The following SNRPN variants were observed in gnomAD, a reference collection of about 807,000 sequenced individuals.
SNRPN encodes small nuclear ribonucleoprotein polypeptide N, also known as small nuclear ribonucleoprotein-associated protein N.
A neutral mutation model predicts 25.2 loss-of-function variants in SNRPN; 7 were observed. The ratio of observed to expected loss-of-function variants is 0.28; its 90% CI spans 0.16 to 0.52. The LOEUF (loss-of-function observed/expected upper bound fraction) is 0.52, where lower values mean the gene tolerates loss of function less well. SNRPN is among the 20% of genes least tolerant of loss of function. The probability of loss-of-function intolerance (pLI) is 0.96; values close to 1 mark genes in which losing one functional copy is unlikely to be tolerated. For missense variants in SNRPN, 196 were observed against 322.5 expected (o/e 0.61, Z 3.00); for synonymous variants, 124 against 110.6 (o/e 1.12, Z -0.76).
intron 2 of SNRPN, among the ~76,000 whole-genome samples, chr15:24,913,370 T>C (rs1311927133): frequency 6.6e-6 from 1 of 152,108 alleles, no homozygotes; most frequent in African/African-American, 2.4e-5. Flanking sequence ...GGGCTGGGCA[T>C]AGTGGCTCAC....
rs192236695 is a variant in SNRPN at position 24,838,191 on chromosome 15, C to G, written c.-579+8286C>G. Among the ~76,000 whole-genome samples the G allele has an allele frequency of 8.1e-4, 123 of 151,840 alleles. 3 individuals carry two copies. Among genetic ancestry groups the G allele is most frequent in the African/African-American group, 2.6e-3 (108 of 41,296 alleles). ...CTGGGACTACAGGCACCTGCCACCA[C>G]GCCCAGGTAAAATTTTTGTATTTTT... is the stretch of plus-strand genomic sequence containing the variant. On this transcript the variant is annotated intron_variant, in intron 2 of 12. Coordinates refer to the SNRPN transcript ENST00000400100.
intron 3 of SNRPN, among the ~76,000 whole-genome samples, chr15:24,969,531 A>G (rs551275018): frequency 6.6e-6 from 1 of 152,322 alleles, no homozygotes; most frequent in African/African-American, 2.4e-5. Context: ...AGCAAATTGG[A>G]ATCTAATCAT....
chr15:24,872,097 C>G lies in SNRPN; in HGVS notation c.-578-14419C>G, dbSNP rs2055195861. On this transcript the variant is annotated intron_variant, in intron 1 of 11. Coordinates refer to the SNRPN transcript ENST00000400097. ...AAATAGATGAATTTATCTATTTTTGCTTCTGTTACTTGTGTTTTTTGTGTT... is the reference window on the plus strand; with the variant it reads ...AAATAGATGAATTTATCTATTTTTGGTTCTGTTACTTGTGTTTTTTGTGTT... Among the ~76,000 whole-genome samples, 2 of 118,142 alleles carry G rather than the reference C, an allele frequency of 1.7e-5. 1 individual carries two copies. Among genetic ancestry groups the G allele is most frequent in the Admixed American group, 1.8e-4 (2 of 10,876 alleles). The allele number at this position is 118,142 out of a possible 152,430, so 77.5% of individuals were successfully genotyped here. A position where few individuals can be genotyped will look rare whatever the true frequency, so the allele number is the denominator to read the frequency against.
chr15:24,924,294 G>C (rs748964717), intron 3 of SNRPN, among the ~76,000 whole-genome samples: 2 of 151,934 alleles, frequency 1.3e-5, no homozygotes, highest in South Asian at 2.1e-4. Flanking sequence ...GGTAACTTAG[G>C]GGAGAGTAAA....
intron 1 of SNRPN, among the ~76,000 whole-genome samples, chr15:24,858,676 C>T (rs2053673573): frequency 4.6e-5 from 7 of 151,636 alleles, no homozygotes. Context: ...TGATATGCAC[C>T]TGTAATCCCA....
chr15:24,934,058 G>A (rs977569985), intron 3 of SNRPN, among the ~76,000 whole-genome samples: 2 of 152,102 alleles, frequency 1.3e-5, no homozygotes, highest in Non-Finnish European at 2.9e-5. Flanking sequence ...ATCACTTTGG[G>A]AGGCCGAGGC....
intron 2 of SNRPN, among the ~76,000 whole-genome samples, chr15:24,897,037 T>C (rs1243628040): frequency 6.6e-6 from 1 of 151,846 alleles, no homozygotes; most frequent in East Asian, 2.0e-4. Context: ...CCTGTAGTCC[T>C]AGCTGCTCAG....
At chr15:24,845,058 A>G (rs1409903558) in intron 2 of SNRPN, among the ~76,000 whole-genome samples, 1 of 152,196 alleles carries the variant, frequency 6.6e-6, no homozygotes, top group Non-Finnish European at 1.5e-5. Context: ...AGCTTTTGCT[A>G]CAAATACTCT....
chr15:24,906,441 C>A (rs2058814136), intron 2 of SNRPN, among the ~76,000 whole-genome samples: 1 of 152,068 alleles, frequency 6.6e-6, no homozygotes, highest in South Asian at 2.1e-4. Flanking sequence ...CTGGAAAAAT[C>A]TATTTTTACA....
chr15:24,918,430 C>T (rs1265966754), intron 2 of SNRPN, among the ~76,000 whole-genome samples: 1 of 83,250 alleles, frequency 1.2e-5, no homozygotes, highest in Non-Finnish European at 2.4e-5. Flanking sequence ...GTATATATAA[C>T]ATAATATATA....
At chr15:24,942,651 CATCTGTTCTA>C (rs2061624669) in intron 3 of SNRPN, among the ~76,000 whole-genome samples, 1 of 152,224 alleles carries the variant, frequency 6.6e-6, no homozygotes, top group Admixed American at 6.5e-5. Flanking sequence ...CCAGAGTAAG[CATCTGTTCTA>C]GTCAGGACAA....
chr15:24,886,026 G>T (rs550026727), intron 1 of SNRPN, among the ~76,000 whole-genome samples: 1 of 152,198 alleles, frequency 6.6e-6, no homozygotes, highest in South Asian at 2.1e-4. Flanking sequence ...TTTGGAGGAT[G>T]TGTAAAAAAT....
At chr15:24,958,386 CTT>C (rs75210247) in intron 1 of SNRPN, among the ~76,000 whole-genome samples, 14 of 124,178 alleles carry the variant, frequency 1.1e-4, no homozygotes, top group Admixed American at 1.7e-4. Flanking sequence ...GTCCTGTCTC[CTT>C]TTTTTTTTTT....
At chr15:24,938,114 G>T (rs577926259) in intron 3 of SNRPN, among the ~76,000 whole-genome samples, 6 of 140,016 alleles carry the variant, frequency 4.3e-5, no homozygotes, top group East Asian at 2.1e-4. Context: ...CTTCTAATTC[G>T]TTTTTTTTTT....
At chr15:24,904,562 G>A (rs894795717) in intron 2 of SNRPN, among the ~76,000 whole-genome samples, 1 of 152,096 alleles carries the variant, frequency 6.6e-6, no homozygotes, top group African/African-American at 2.4e-5. Context: ...GGCTGAAGCA[G>A]GAGAATCGCA....
chr15:24,845,790 A>C (rs980118037), intron 2 of SNRPN, among the ~76,000 whole-genome samples: 1 of 152,256 alleles, frequency 6.6e-6, no homozygotes, highest in Admixed American at 6.5e-5. Context: ...TAAATATGTA[A>C]GAATTGACCC....
At chr15:24,909,331 C>T in intron 2 of SNRPN, 1 of 1,603,306 alleles carries the variant, frequency 6.2e-7, no homozygotes, top group Non-Finnish European at 8.5e-7. Flanking sequence ...CCACAGCTCC[C>T]TTCAGGGCAC....
intron 4 of SNRPN, 89 bp downstream of exon 4, chr15:24,974,545 G>C: frequency 2.5e-6 from 3 of 1,220,404 alleles, no homozygotes; most frequent in Non-Finnish European, 3.7e-6. Flanking sequence ...CTTGGGTTCT[G>C]AATGTTAGAA....
intron 2 of SNRPN, among the ~76,000 whole-genome samples, chr15:24,912,926 T>A (rs2059299984): frequency 1.3e-5 from 2 of 152,176 alleles, no homozygotes; most frequent in Non-Finnish European, 1.5e-5. Context: ...TATAAGTTAC[T>A]CATTATCAGG....
Sources: gnomAD v4.1 joint callset for allele counts (sites outside exome capture counted in the v4.1 genomes callset) on GRCh38, gnomAD v4.1.1 for gene constraint, MANE v1.5 for transcripts, NCBI Gene and HGNC (gene_info 2026-07-23, HGNC 2026-07-21) for gene names.